Variants in TAFA1 observed in about 807,000 individuals in gnomAD.
TAFA1 encodes the protein chemokine-like protein TAFA-1.
TAFA1 carries 4 observed loss-of-function variants against 18.5 expected under a neutral mutation model. That is an observed-to-expected ratio of 0.22 (90% CI 0.11 to 0.49). The LOEUF (loss-of-function observed/expected upper bound fraction) is 0.49, where lower values mean the gene tolerates loss of function less well. Ranked by LOEUF, TAFA1 falls within the 20% of genes least tolerant of loss-of-function variation. TAFA1 has a pLI of 0.98. For missense variants in TAFA1, 147 were observed against 169.0 expected, an observed-to-expected ratio of 0.87 and a Z score of 0.72; for synonymous variants, 56 against 55.2, an observed-to-expected ratio of 1.01 and a Z score of -0.06.
intron 2 of TAFA1, among the ~76,000 whole-genome samples, chr3:68,343,037 G>T (rs561198799): frequency 1.3e-5 from 2 of 152,212 alleles, no homozygotes; most frequent in South Asian, 4.2e-4. Flanking sequence ...ACTTTGTAGG[G>T]GTGGGTGAGG....
intron 2 of TAFA1, among the ~76,000 whole-genome samples, chr3:68,378,716 T>C (rs1024519169): frequency 2.0e-5 from 3 of 152,100 alleles, no homozygotes; most frequent in African/African-American, 7.2e-5. Context: ...TCCCACGTGT[T>C]GAGGGAGGGA....
chr3:68,208,711 A>T lies in TAFA1; in HGVS notation c.118+201967A>T, dbSNP rs117949418. Among the ~76,000 whole-genome samples, 63 of 152,064 alleles carry T rather than the reference A, an allele frequency of 4.1e-4. No individual in the cohort carries two copies. The East Asian group carries it at 0.011, about 27-fold the overall frequency. ...TCATCTCCCCACAGGAAAAAAAAGG[A>T]CCAAGCCAGGCCTTCAGGTTGTTTG... On this transcript the variant is annotated intron_variant, in intron 2 of 4. Transcript: ENST00000478136.
intron 2 of TAFA1, among the ~76,000 whole-genome samples, chr3:68,007,170 A>C (rs1704372683): frequency 6.6e-6 from 1 of 152,222 alleles, no homozygotes; most frequent in African/African-American, 2.4e-5. Context: ...TCAATGAAAA[A>C]GAAATTAAAA....
chr3:68,443,637 C>A (rs2071426479), intron 3 of TAFA1, among the ~76,000 whole-genome samples: 1 of 152,046 alleles, frequency 6.6e-6, no homozygotes, highest in Non-Finnish European at 1.5e-5. Flanking sequence ...TTAAAACAAT[C>A]AGATCTCCTG....
At chr3:68,467,279 A>T (rs906417063) in intron 3 of TAFA1, among the ~76,000 whole-genome samples, 2 of 152,164 alleles carry the variant, frequency 1.3e-5, no homozygotes, top group Non-Finnish European at 2.9e-5. Flanking sequence ...TAAGAAGATG[A>T]TAGGATTAAG....
At chr3:68,469,986 G>T (rs1443626458) in intron 3 of TAFA1, among the ~76,000 whole-genome samples, 1 of 152,146 alleles carries the variant, frequency 6.6e-6, no homozygotes, top group Non-Finnish European at 1.5e-5. Context: ...GATACAGTTT[G>T]GCTGTGTCCC....
intron 2 of TAFA1, among the ~76,000 whole-genome samples, chr3:68,125,005 C>T (rs1171465626): frequency 2.0e-5 from 3 of 152,192 alleles, no homozygotes; most frequent in Non-Finnish European, 4.4e-5. Context: ...TTGACTGAGA[C>T]TCTTGTAATA....
chr3:68,020,873 G>C lies in TAFA1; in HGVS notation c.118+14129G>C, dbSNP rs552163698. ...CATTGTGTACGTAATTACAGGTGAA[G>C]GTGGTCTAGTTAAGAAGTTTAGTGG... On this transcript the variant is annotated intron_variant, in intron 2 of 4. Transcript: ENST00000478136. Among the ~76,000 whole-genome samples the C allele has an allele frequency of 1.3e-3, 203 of 152,168 alleles. 2 individuals are homozygous for C. Among genetic ancestry groups the C allele is most frequent in the Non-Finnish European group, 2.6e-3 (178 of 67,978 alleles).
intron 3 of TAFA1, among the ~76,000 whole-genome samples, chr3:68,431,386 C>T (rs1575860475): frequency 6.6e-6 from 1 of 151,946 alleles, no homozygotes; most frequent in African/African-American, 2.4e-5. Context: ...AGGGACTGAG[C>T]GTTGTTGAGG....
intron 3 of TAFA1, among the ~76,000 whole-genome samples, chr3:68,498,680 C>T: frequency 7.4e-6 from 1 of 134,544 alleles, no homozygotes. Context: ...TAGAAGAAGG[C>T]TATTTGGGAT....
intron 2 of TAFA1, among the ~76,000 whole-genome samples, chr3:68,336,116 C>T (rs1033184281): frequency 2.0e-5 from 3 of 152,212 alleles, no homozygotes; most frequent in Non-Finnish European, 4.4e-5. Context: ...TGATCATTGG[C>T]TTTCTAATTT....
intron 2 of TAFA1, among the ~76,000 whole-genome samples, chr3:68,220,587 T>A (rs1416103564): frequency 1.3e-5 from 2 of 152,128 alleles, no homozygotes; most frequent in Non-Finnish European, 2.9e-5. Context: ...AAACAATTTC[T>A]TCGGAAGGAG....
At chr3:68,375,422 T>C (rs1298963893) in intron 2 of TAFA1, among the ~76,000 whole-genome samples, 1 of 152,168 alleles carries the variant, frequency 6.6e-6, no homozygotes, top group Non-Finnish European at 1.5e-5. Context: ...AGAAAATACA[T>C]ATTGGCATAC....
intron 2 of TAFA1, among the ~76,000 whole-genome samples, chr3:68,186,167 G>A (rs566853861): frequency 5.9e-5 from 9 of 152,176 alleles, no homozygotes; most frequent in East Asian, 1.9e-4. Context: ...GTGTGCTAGC[G>A]AATATCATCT....
intron 2 of TAFA1, among the ~76,000 whole-genome samples, chr3:68,213,151 G>T (rs541137812): frequency 1.6e-4 from 25 of 151,852 alleles, no homozygotes; most frequent in African/African-American, 6.0e-4. Context: ...ATAACACTTT[G>T]TTGCCAGTAA....
chr3:68,410,407 G>T (rs2070692631), intron 2 of TAFA1, among the ~76,000 whole-genome samples: 1 of 152,086 alleles, frequency 6.6e-6, no homozygotes, highest in Non-Finnish European at 1.5e-5. Context: ...AGATCGGTGT[G>T]CATTAGCCAG....
intron 2 of TAFA1, among the ~76,000 whole-genome samples, chr3:68,039,302 T>C (rs1237888032): frequency 6.6e-6 from 1 of 152,210 alleles, no homozygotes; most frequent in Non-Finnish European, 1.5e-5. Flanking sequence ...TTCTAATTGT[T>C]TTAGTAATTA....
intron 2 of TAFA1, among the ~76,000 whole-genome samples, chr3:68,230,334 T>G (rs73097313): frequency 6.6e-6 from 1 of 152,106 alleles, no homozygotes; most frequent in Non-Finnish European, 1.5e-5. Context: ...TGAGATCAAT[T>G]TTTTTTAATC....
intron 2 of TAFA1, among the ~76,000 whole-genome samples, chr3:68,063,818 G>A (rs979977240): frequency 1.2e-4 from 19 of 152,294 alleles, no homozygotes; most frequent in African/African-American, 4.3e-4. Context: ...TAAAAGGGAT[G>A]CATAGGCTTC....
Sources: allele counts gnomAD v4.1 joint callset (sites outside exome capture counted in the v4.1 genomes callset), GRCh38; gene constraint gnomAD v4.1.1; transcripts MANE v1.5; gene names NCBI Gene and HGNC (gene_info 2026-07-23, HGNC 2026-07-21).